Variants in KCTD8 observed in about 807,000 individuals in gnomAD.
The protein encoded by KCTD8 is BTB/POZ domain-containing protein KCTD8.
KCTD8 carries 27 observed loss-of-function variants against 31.5 expected under a neutral mutation model. That is an observed-to-expected ratio of 0.86 (90% CI 0.63 to 1.18). The LOEUF (loss-of-function observed/expected upper bound fraction) is 1.18. Ranked by LOEUF, KCTD8 falls within the 50% of genes most tolerant of loss-of-function variation. The pLI is 0.00. For missense variants in KCTD8, 658 were observed against 647.7 expected, an observed-to-expected ratio of 1.02 and a Z score of -0.17; for synonymous variants, 290 against 280.0, an observed-to-expected ratio of 1.04 and a Z score of -0.36.
intron 1 of KCTD8, among the ~76,000 whole-genome samples, chr4:44,349,065 GCCACCGCCACCACCA>G (rs1159230615): frequency 9.3e-6 from 1 of 107,828 alleles, no homozygotes; most frequent in Admixed American, 8.9e-5. Context: ...CACCATCGCT[GCCACCGCCACCACCA>G]CCACCACCAC....
At chr4:44,283,650 A>G (rs1716966702) in intron 1 of KCTD8, among the ~76,000 whole-genome samples, 1 of 152,174 alleles carries the variant, frequency 6.6e-6, no homozygotes, top group African/African-American at 2.4e-5. Context: ...TAAGCCCACT[A>G]TTGAGACCTA....
At chr4:44,218,124 CTTTTTTTTTT>C (rs570521203) in intron 1 of KCTD8, among the ~76,000 whole-genome samples, 1 of 91,512 alleles carries the variant, frequency 1.1e-5, no homozygotes, top group African/African-American at 5.1e-5. Flanking sequence ...TTAAAATGTC[CTTTTTTTTTT>C]TTTTTTTTTT....
At chr4:44,221,075 T>G (rs1714793244) in intron 1 of KCTD8, among the ~76,000 whole-genome samples, 2 of 152,310 alleles carry the variant, frequency 1.3e-5, no homozygotes, top group East Asian at 3.9e-4. Context: ...GGACCCATGG[T>G]TATCCTTGGA....
intron 1 of KCTD8, among the ~76,000 whole-genome samples, chr4:44,205,855 G>A (rs1014649781): frequency 2.0e-5 from 3 of 152,136 alleles, no homozygotes; most frequent in Non-Finnish European, 4.4e-5. Flanking sequence ...TTACCATGTC[G>A]TAGGTAGAAA....
intron 1 of KCTD8, among the ~76,000 whole-genome samples, chr4:44,365,726 T>C (rs1159459139): frequency 2.0e-5 from 3 of 152,174 alleles, no homozygotes; most frequent in Non-Finnish European, 2.9e-5. Flanking sequence ...TGTATTGAAA[T>C]TTTAAATGTG....
intron 1 of KCTD8, among the ~76,000 whole-genome samples, chr4:44,304,520 T>C (rs1256077402): frequency 6.6e-6 from 1 of 152,112 alleles, no homozygotes; most frequent in Non-Finnish European, 1.5e-5. Context: ...TAACATCTAG[T>C]CAACATAAAG....
chr4:44,314,082 G>A (rs552706016), intron 1 of KCTD8, among the ~76,000 whole-genome samples: 1 of 152,260 alleles, frequency 6.6e-6, no homozygotes, highest in East Asian at 1.9e-4. Context: ...GATACAGAAG[G>A]TCAAATAGAA....
chr4:44,427,318 T>G lies in KCTD8; in HGVS notation c.961+20245A>C, dbSNP rs75840603. On this transcript the variant is annotated intron_variant, in intron 1 of 1. Coordinates refer to ENST00000360029, the MANE Select transcript of KCTD8 (RefSeq NM_198353.3). ...ACCGAATTTCAGGGGAATCACAAAA[T>G]TATAAGAAGTCTAAGAACTGCAATA... Among the ~76,000 whole-genome samples the G allele has an allele frequency of 7.4e-3, 1,125 of 151,440 alleles. 17 individuals carry two copies. Among genetic ancestry groups the G allele is most frequent in the African/African-American group, 0.025 (1,049 of 41,476 alleles).
chr4:44,312,697 TTA>T (rs1305520629), intron 1 of KCTD8, among the ~76,000 whole-genome samples: 1 of 152,192 alleles, frequency 6.6e-6, no homozygotes, highest in Non-Finnish European at 1.5e-5. Flanking sequence ...TGCATAAATA[TTA>T]TGTTTTTATA....
At chr4:44,418,308 G>C (rs1209954545) in intron 1 of KCTD8, among the ~76,000 whole-genome samples, 1 of 152,122 alleles carries the variant, frequency 6.6e-6, no homozygotes, top group Non-Finnish European at 1.5e-5. Context: ...CTAGAGCAAA[G>C]GATTTGTAAT....
chr4:44,350,130 A>G (rs1719159641), intron 1 of KCTD8, among the ~76,000 whole-genome samples: 1 of 152,122 alleles, frequency 6.6e-6, no homozygotes, highest in Non-Finnish European at 1.5e-5. Flanking sequence ...CCCCTTTACT[A>G]TTCTTCCTCC....
At chr4:44,247,580 G>A (rs1010264259) in intron 1 of KCTD8, among the ~76,000 whole-genome samples, 3 of 151,778 alleles carry the variant, frequency 2.0e-5, no homozygotes, top group Non-Finnish European at 2.9e-5. Flanking sequence ...TATTTATTTT[G>A]TATAACTGAA....
rs1459690120 is a variant in KCTD8, at chr4:44,438,190, G to C, written c.961+9373C>G. Among the ~76,000 whole-genome samples, 4 of 152,162 alleles carry C rather than the reference G, an allele frequency of 2.6e-5. No individual in the cohort carries two copies. The East Asian group carries it at 7.7e-4, about 29-fold the overall frequency. On this transcript the variant is annotated intron_variant, in intron 1 of 1. Coordinates refer to ENST00000360029, the MANE Select transcript of KCTD8 (RefSeq NM_198353.3). ...TGGTTTCTTCAAATACCTGGACTTT[G>C]AGCAACTAGAAAACTTATATTGAAG... is the stretch of plus-strand genomic sequence containing the variant.
At chr4:44,327,669 T>C (rs1718483663) in intron 1 of KCTD8, among the ~76,000 whole-genome samples, 1 of 151,470 alleles carries the variant, frequency 6.6e-6, no homozygotes, top group Non-Finnish European at 1.5e-5. Context: ...ATAAAGACTC[T>C]GGGGGAAAAA....
At chr4:44,420,803 A>C (rs1446386300) in intron 1 of KCTD8, among the ~76,000 whole-genome samples, 1 of 152,154 alleles carries the variant, frequency 6.6e-6, no homozygotes, top group African/African-American at 2.4e-5. Flanking sequence ...ATATTATAGA[A>C]GTGTAGAGAG....
chr4:44,361,070 T>C (rs1357795032), intron 1 of KCTD8, among the ~76,000 whole-genome samples: 1 of 152,064 alleles, frequency 6.6e-6, no homozygotes, highest in African/African-American at 2.4e-5. Flanking sequence ...TGAGATTTTT[T>C]TTCTCCCTTG....
intron 1 of KCTD8, among the ~76,000 whole-genome samples, chr4:44,388,963 C>A (rs1222691781): frequency 6.6e-6 from 1 of 151,814 alleles, no homozygotes; most frequent in Non-Finnish European, 1.5e-5. Flanking sequence ...GAAATCCTGT[C>A]ATTTGCAACT....
chr4:44,437,263 T>G (rs1721680440), intron 1 of KCTD8, among the ~76,000 whole-genome samples: 1 of 152,186 alleles, frequency 6.6e-6, no homozygotes, highest in Admixed American at 6.6e-5. Flanking sequence ...AACTTGTATC[T>G]TATGTATCTA....
intron 1 of KCTD8, among the ~76,000 whole-genome samples, chr4:44,368,963 A>G (rs1719711303): frequency 6.6e-6 from 1 of 152,088 alleles, no homozygotes. Context: ...CAGTATAGCC[A>G]CTCCTCAGTT....
Sources: allele counts gnomAD v4.1 joint callset (sites outside exome capture counted in the v4.1 genomes callset), GRCh38; gene constraint gnomAD v4.1.1; transcripts MANE v1.5; gene names NCBI Gene and HGNC (gene_info 2026-07-23, HGNC 2026-07-21).